The following MAP4 variants were observed in gnomAD, a reference collection of about 807,000 sequenced individuals.
MAP4 encodes microtubule associated protein 4.
A neutral mutation model predicts 170.2 loss-of-function variants in MAP4; 76 were observed. That is an observed-to-expected ratio of 0.45 (90% CI 0.37 to 0.54). The LOEUF is 0.54. Ranked by LOEUF, MAP4 falls within the 20% of genes least tolerant of loss-of-function variation. The probability of loss-of-function intolerance (pLI) is 0.00; values close to 1 mark genes in which losing one functional copy is unlikely to be tolerated. For missense variants in MAP4, 2,506 were observed against 2,748.0 expected (o/e 0.91, Z 1.97); for synonymous variants, 909 against 994.5 (o/e 0.91, Z 1.62).
chr3:47,947,365 C>A (rs1268697195), intron 3 of MAP4, among the ~76,000 whole-genome samples: 1 of 152,144 alleles, frequency 6.6e-6, no homozygotes, highest in Non-Finnish European at 1.5e-5. Flanking sequence ...GGCAGCAGAG[C>A]CACATTCAGC....
rs548184815 is a variant in MAP4 at position 47,979,292 on chromosome 3, G to C, written c.224-1359C>G. Among the ~76,000 whole-genome samples the C allele has an allele frequency of 7.9e-5, 12 of 152,006 alleles. No individual in the cohort carries two copies. In the South Asian group the frequency reaches 2.5e-3, roughly 32 times the overall value. ...TAGGTAATTAGGTAATTATTACAGA[G>C]TCATTTGTGGAAAAAGTCATCTGCA... On this transcript the variant is annotated intron_variant, in intron 2 of 20. Coordinates refer to ENST00000683076, the MANE Select transcript of MAP4 (RefSeq NM_001385682.1).
At chr3:47,967,866 G>A (rs1329598281) in intron 3 of MAP4, among the ~76,000 whole-genome samples, 1 of 152,076 alleles carries the variant, frequency 6.6e-6, no homozygotes, top group Non-Finnish European at 1.5e-5. Context: ...GGGAAACTGA[G>A]GCGGGAGGAT....
intron 18 of MAP4, 28 bp downstream of exon 18, chr3:47,857,403 C>T: frequency 1.3e-6 from 2 of 1,596,052 alleles, no homozygotes; most frequent in Admixed American, 1.7e-5. Context: ...ACCCTGGAGA[C>T]CCAGTGGGCA....
intron 1 of MAP4, among the ~76,000 whole-genome samples, chr3:48,033,991 C>T (rs1440700551): frequency 1.3e-5 from 2 of 152,196 alleles, no homozygotes; most frequent in Admixed American, 1.3e-4. Flanking sequence ...ATAATGATGG[C>T]CTATGCCCTC....
rs764856766 is a variant in MAP4, at chr3:47,977,865, C to G, written c.292G>C (p.Gly98Arg). Residue 98 changes from glycine (G) to arginine (R), a missense_variant and splice_region_variant, in exon 3 of 21, where the codon GGG becomes CGG. Coordinates refer to ENST00000683076, the MANE Select transcript of MAP4 (RefSeq NM_001385682.1). ...TTGGGGAATCCTGGGAATCACTTAC[C>G]TGTAGTATCGCTCCCTTCTACTCCA... ...GHGVEGSDTT[G>R]SPTEFLEEKM... The G allele has an allele frequency of 6.2e-7, 1 of 1,608,378 alleles. No homozygotes were observed. The highest frequency in any genetic ancestry group is 1.1e-5 in the South Asian group (1 of 90,742).
intron 3 of MAP4, among the ~76,000 whole-genome samples, chr3:47,930,509 TAAAG>T (rs1016075318): frequency 1.3e-5 from 2 of 151,688 alleles, no homozygotes; most frequent in African/African-American, 4.8e-5. Flanking sequence ...AAGGTACTAT[TAAAG>T]AAAATGAAAA....
chr3:48,061,189 TC>T (rs2100135011), intron 1 of MAP4, among the ~76,000 whole-genome samples: 1 of 119,820 alleles, frequency 8.3e-6, no homozygotes, highest in Non-Finnish European at 1.7e-5. Flanking sequence ...CACCTCCCCC[TC>T]CCCCTCCCCC....
Position 47,870,849 on chromosome 3 carries a change from G to A in MAP4, c.6258C>T (p.Ser2086=), listed in dbSNP as rs140636015. 3.1e-6 allele frequency: 5 copies of A among 1,592,470 alleles called. No individual in the cohort carries two copies. The African/African-American group carries it at 6.7e-5, about 21-fold the overall frequency. The change falls in exon 15 of 21, where the codon TCC becomes TCT. Residue 2086 remains serine, a synonymous_variant. Transcript: ENST00000683076. ...DLKNVRSKVG[S]TENIKHQPGG... ...CAGGCTGATGCTTGATGTTTTCCGT[G>A]GAGCCAACCTTGGAGCGGACATTCT... is the stretch of plus-strand genomic sequence containing the variant.
intron 1 of MAP4, among the ~76,000 whole-genome samples, chr3:48,079,349 C>A (rs909072658): frequency 1.4e-4 from 21 of 152,012 alleles, no homozygotes; most frequent in Non-Finnish European, 3.1e-4. Flanking sequence ...CAACCTATAT[C>A]TGATTAAGAA....
intron 1 of MAP4, among the ~76,000 whole-genome samples, chr3:48,022,007 G>A (rs1166207128): frequency 2.6e-5 from 4 of 152,080 alleles, no homozygotes; most frequent in Admixed American, 6.6e-5. Flanking sequence ...AACAAAACAA[G>A]AGGCCAATGC....
At chr3:47,903,274 T>C (rs1346793427) in intron 9 of MAP4, among the ~76,000 whole-genome samples, 2 of 152,222 alleles carry the variant, frequency 1.3e-5, no homozygotes, top group Non-Finnish European at 2.9e-5. Context: ...TGGCTCACCC[T>C]TGTAATCCCA....
chr3:47,907,017 T>C (rs1366417623), intron 9 of MAP4, among the ~76,000 whole-genome samples: 1 of 152,036 alleles, frequency 6.6e-6, no homozygotes, highest in African/African-American at 2.4e-5. Context: ...GTATTTTTAG[T>C]AGAGATGGGG....
chr3:48,035,133 A>AAAGC (rs1428671737), intron 1 of MAP4, among the ~76,000 whole-genome samples: 2 of 152,138 alleles, frequency 1.3e-5, no homozygotes, highest in East Asian at 3.9e-4. Flanking sequence ...TAACAATTAA[A>AAAGC]AAGCAAACTT....
chr3:47,968,099 A>G (rs2100076212), intron 3 of MAP4, among the ~76,000 whole-genome samples: 1 of 152,242 alleles, frequency 6.6e-6, no homozygotes, highest in African/African-American at 2.4e-5. Flanking sequence ...TCCTTGAGAA[A>G]TGTAAAAAGC....
chr3:47,917,499 T>C lies in MAP4; in HGVS notation c.653-325A>G, dbSNP rs992934112. ...TACTTGGGAGGCTGAAGCAGGAGAA[T>C]TGCTAGAACCCAGGAGGCGGAGTTT... On this transcript the variant is annotated intron_variant, in intron 6 of 20. Coordinates refer to ENST00000683076, the MANE Select transcript of MAP4 (RefSeq NM_001385682.1). Among the ~76,000 whole-genome samples, 11 of 150,658 alleles carry C rather than the reference T, an allele frequency of 7.3e-5. No homozygotes were observed. In the South Asian group the frequency reaches 1.0e-3, roughly 14 times the overall value.
chr3:48,075,152 C>A (rs2100143200), intron 1 of MAP4, among the ~76,000 whole-genome samples: 1 of 152,104 alleles, frequency 6.6e-6, no homozygotes, highest in Admixed American at 6.6e-5. Context: ...CAGATAGTAG[C>A]AGATAGTAGT....
chr3:47,995,889 G>A (rs2100095269), intron 2 of MAP4, among the ~76,000 whole-genome samples: 2 of 152,146 alleles, frequency 1.3e-5, no homozygotes, highest in Admixed American at 1.3e-4. Flanking sequence ...AAGCAGGTAA[G>A]AAAAATTCAA....
At chr3:47,919,124 G>T (rs2100041339) in intron 5 of MAP4, among the ~76,000 whole-genome samples, 1 of 151,648 alleles carries the variant, frequency 6.6e-6, no homozygotes, top group Non-Finnish European at 1.5e-5. Context: ...GTAGAGGCGG[G>T]GTTTCACCAT....
intron 1 of MAP4, among the ~76,000 whole-genome samples, chr3:48,055,027 C>G (rs1374785805): frequency 1.3e-5 from 2 of 152,112 alleles, no homozygotes; most frequent in African/African-American, 2.4e-5. Context: ...ATTAAGCACT[C>G]AATACCCCTT....
Sources: gnomAD v4.1 joint callset for allele counts (sites outside exome capture counted in the v4.1 genomes callset) on GRCh38, gnomAD v4.1.1 for gene constraint, MANE v1.5 for transcripts, NCBI Gene and HGNC (gene_info 2026-07-23, HGNC 2026-07-21) for gene names.